ASXL2: variants seen among roughly 807,000 people sequenced by gnomAD.
ASXL2 encodes putative Polycomb group protein ASXL2.
ASXL2 carries 23 observed loss-of-function variants against 122.0 expected under a neutral mutation model. The observed-to-expected ratio is 0.19, with a 90% CI of 0.14 to 0.27. ASXL2 has a LOEUF of 0.27. Ranked by LOEUF, ASXL2 falls within the 10% of genes least tolerant of loss-of-function variation. The pLI, the probability that ASXL2 is intolerant of heterozygous loss-of-function variation, is 1.00. For synonymous variants in ASXL2, 650 were observed against 637.0 expected, an observed-to-expected ratio of 1.02 and a Z score of -0.31; for missense variants, 1,518 against 1,713.8, an observed-to-expected ratio of 0.89 and a Z score of 2.02.
intron 1 of ASXL2, among the ~76,000 whole-genome samples, chr2:25,855,697 C>T (rs1198193755): frequency 1.3e-5 from 2 of 150,050 alleles, no homozygotes; most frequent in Non-Finnish European, 3.0e-5. Flanking sequence ...AAAAATTAGC[C>T]GAGCATGCTG....
At chr2:25,809,648 A>G (rs2089136818) in intron 3 of ASXL2, among the ~76,000 whole-genome samples, 1 of 152,232 alleles carries the variant, frequency 6.6e-6, no homozygotes, top group Non-Finnish European at 1.5e-5. Flanking sequence ...ACAACAAAAA[A>G]GGTATTACAA....
intron 5 of ASXL2, among the ~76,000 whole-genome samples, chr2:25,786,953 TG>T (rs2088757904): frequency 6.6e-6 from 1 of 150,966 alleles, no homozygotes; most frequent in Non-Finnish European, 1.5e-5. Flanking sequence ...CACTATTTTC[TG>T]TAAGTCCTGG....
chr2:25,816,764 A>G (rs1191207241), intron 3 of ASXL2, among the ~76,000 whole-genome samples: 1 of 152,240 alleles, frequency 6.6e-6, no homozygotes, highest in Non-Finnish European at 1.5e-5. Context: ...CAGCAAAAAA[A>G]GTTCTTAAGA....
At chr2:25,828,515 AAAAAAT>A (rs201988889) in intron 3 of ASXL2, among the ~76,000 whole-genome samples, 6,862 of 148,066 alleles carry the variant, frequency 0.046, 257 homozygotes, top group Middle Eastern at 0.091. Context: ...TTTCAAAAAA[AAAAAAT>A]AAAAAGAAAA....
intron 3 of ASXL2, chr2:25,809,930 T>C: frequency 3.8e-6 from 2 of 520,300 alleles, no homozygotes; most frequent in South Asian, 1.4e-5. Flanking sequence ...GTGCTCTACA[T>C]CTCATTCAGG....
At chr2:25,745,559 C>CAA (rs34181748) in intron 12 of ASXL2, among the ~76,000 whole-genome samples, 514 of 51,224 alleles carry the variant, frequency 0.01, 7 homozygotes, top group African/African-American at 0.022. Context: ...GCCTCCAGCT[C>CAA]AAAAAAAAAA....
chr2:25,844,245 A>G (rs539493516), intron 2 of ASXL2, among the ~76,000 whole-genome samples: 176 of 152,296 alleles, frequency 1.2e-3, no homozygotes, highest in Non-Finnish European at 2.0e-3. Context: ...CATACTTAAT[A>G]TAATTTTAAC....
intron 1 of ASXL2, among the ~76,000 whole-genome samples, chr2:25,864,425 G>A (rs957550817): frequency 6.6e-6 from 1 of 152,060 alleles, no homozygotes; most frequent in African/African-American, 2.4e-5. Flanking sequence ...CTAAGGCACA[G>A]GAATTGGAAA....
At chr2:25,843,776 G>T (rs1326925219) in intron 2 of ASXL2, among the ~76,000 whole-genome samples, 2 of 130,882 alleles carry the variant, frequency 1.5e-5, no homozygotes, top group Non-Finnish European at 3.1e-5. Context: ...AACAGCCACT[G>T]CACTCAAGGC....
intron 1 of ASXL2, among the ~76,000 whole-genome samples, chr2:25,849,459 A>G (rs1000241989): frequency 6.6e-6 from 1 of 151,444 alleles, no homozygotes; most frequent in Non-Finnish European, 1.5e-5. Context: ...ACTCAAAAAA[A>G]AAAAAAAAAA....
rs1466534198 is a variant in ASXL2 at position 25,740,027 on chromosome 2, T to C, written c.*2002A>G. The C allele has an allele frequency of 1.3e-5, 3 of 225,848 alleles. No individual in the cohort carries two copies. Among genetic ancestry groups the C allele is most frequent in the East Asian group, 6.3e-5 (1 of 15,774 alleles). 14.0% of individuals were successfully genotyped at this position (225,848 alleles called of 1,614,324 possible). Reference sequence around the variant, plus strand: ...CATTATTTCTGTTTTCTACTGGTTCTTGGCTTGAAAATATACTCCTTATCC... The same window carrying C: ...CATTATTTCTGTTTTCTACTGGTTCCTGGCTTGAAAATATACTCCTTATCC... On this transcript the variant is annotated 3_prime_UTR_variant, in exon 13 of 13. Coordinates refer to ENST00000435504, the MANE Select transcript of ASXL2 (RefSeq NM_018263.6).
At chr2:25,840,615 A>T (rs2089568574) in intron 2 of ASXL2, among the ~76,000 whole-genome samples, 1 of 152,182 alleles carries the variant, frequency 6.6e-6, no homozygotes, top group South Asian at 2.1e-4. Flanking sequence ...AACTGGAGTC[A>T]TATATTTGTC....
intron 9 of ASXL2, among the ~76,000 whole-genome samples, chr2:25,756,603 T>G (rs1279077413): frequency 2.0e-5 from 3 of 152,240 alleles, no homozygotes; most frequent in African/African-American, 7.2e-5. Context: ...TAACCCACTT[T>G]ACTTTCCAAA....
intron 5 of ASXL2, among the ~76,000 whole-genome samples, chr2:25,772,729 CAAAAAAAAAAA>C (rs70950119): frequency 6.8e-5 from 4 of 58,940 alleles, no homozygotes; most frequent in Non-Finnish European, 8.9e-5. Context: ...AACTTGGTCT[CAAAAAAAAAAA>C]AAAAAAAAAA....
At chr2:25,866,162 C>T (rs1264518802) in intron 1 of ASXL2, among the ~76,000 whole-genome samples, 5 of 147,834 alleles carry the variant, frequency 3.4e-5, no homozygotes, top group Non-Finnish European at 5.9e-5. Context: ...GGTGGAGTCT[C>T]GCTCTGTCGC....
chr2:25,773,461 T>G (rs146869898), intron 5 of ASXL2, among the ~76,000 whole-genome samples: 1,810 of 151,714 alleles, frequency 0.012, 30 homozygotes, highest in African/African-American at 0.041. Context: ...GTCAGGAGAT[T>G]GAGACCATCC....
intron 3 of ASXL2, among the ~76,000 whole-genome samples, chr2:25,822,097 T>C (rs2089318857): frequency 6.6e-6 from 1 of 152,242 alleles, no homozygotes; most frequent in African/African-American, 2.4e-5. Flanking sequence ...AGAATTCATC[T>C]TCCACCTTCA....
In ASXL2 at chr2:25,744,070, G is replaced by C; in HGVS notation, c.2267C>G (p.Thr756Ser). 1 of 1,613,978 alleles carries C rather than the reference G, an allele frequency of 6.2e-7. No homozygotes were observed. The highest frequency in any genetic ancestry group is 8.5e-7 in the Non-Finnish European group (1 of 1,179,886). Reference sequence around the variant, plus strand: ...CTGTGCCTGGCTTGGGGTGGTCTTGGTCTCAGACTGGGGCTGAGTCTCTGG... The same window carrying C: ...CTGTGCCTGGCTTGGGGTGGTCTTGCTCTCAGACTGGGGCTGAGTCTCTGG... The part of the protein sequence containing the change: ...CGPETQPQSE[T>S]KTTPSQAQPH... Residue 756 changes from threonine (T) to serine (S), a missense_variant, in exon 13 of 13, where the codon ACC becomes AGC. Transcript: ENST00000435504. This position sits in a 1 kb window ranked among gnomAD's most constrained non-coding sequence, Gnocchi z 4.7.
intron 1 of ASXL2, among the ~76,000 whole-genome samples, chr2:25,865,611 C>CA (rs35970829): frequency 0.43 from 57,697 of 133,838 alleles, 13,686 homozygotes; most frequent in Non-Finnish European, 0.56. Flanking sequence ...ACTAAAAATA[C>CA]AAAAAAAAAA....
Sources: allele counts gnomAD v4.1 joint callset (sites outside exome capture counted in the v4.1 genomes callset), GRCh38; gene constraint gnomAD v4.1.1; non-coding constraint Gnocchi (gnomAD v3.1); transcripts MANE v1.5; gene names NCBI Gene and HGNC (gene_info 2026-07-23, HGNC 2026-07-21).